The following ASTE1 variants were observed in gnomAD, a reference collection of about 807,000 sequenced individuals.
ASTE1 encodes single-strand DNA endonuclease ASTE1.
A neutral mutation model predicts 45.8 loss-of-function variants in ASTE1; 49 were observed. The observed-to-expected ratio is 1.07, with a 90% CI of 0.85 to 1.36. ASTE1 has a LOEUF of 1.36. Ranked by LOEUF, ASTE1 falls within the 40% of genes most tolerant of loss-of-function variation. The pLI is 0.00. For missense variants in ASTE1, 709 were observed against 804.0 expected, an observed-to-expected ratio of 0.88 and a Z score of 1.43; for synonymous variants, 296 against 303.9, an observed-to-expected ratio of 0.97 and a Z score of 0.27.
At chr3:131,019,712 T>G (rs578079419) in intron 3 of ASTE1, among the ~76,000 whole-genome samples, 8 of 152,212 alleles carry the variant, frequency 5.3e-5, no homozygotes, top group Non-Finnish European at 1.0e-4. Flanking sequence ...TAATAACATT[T>G]CTCAGCATGT....
intron 3 of ASTE1, among the ~76,000 whole-genome samples, chr3:131,019,872 ATT>A (rs1361533151): frequency 6.6e-6 from 1 of 152,230 alleles, no homozygotes; most frequent in Non-Finnish European, 1.5e-5. Context: ...TTTTAATAAT[ATT>A]GTGATACAAA....
Position 131,014,068 on chromosome 3 carries a change from T to C in ASTE1, c.2029A>G (p.Asn677Asp). Residue 677 changes from asparagine (N) to aspartate (D), a missense_variant, in exon 6 of 6, where the codon AAC becomes GAC. Physicochemically the swap from Asn to Asp is conservative, Grantham distance 23. Transcript: ENST00000264992. ...ATGCAAACTGAGTTTTATTCAATGT[T>C]GGAGGCCTCACTATGTTCCTCTAAG... ...ENLEEHSEAS[N>D]IE The C allele has an allele frequency of 3.2e-6, 5 of 1,582,946 alleles. No individual in the cohort carries two copies. The highest frequency in any genetic ancestry group is 1.7e-4 in the Middle Eastern group (1 of 5,870).
Position 131,016,082 on chromosome 3 carries a change from T to G in ASTE1, c.1709+62A>C, listed in dbSNP as rs556275855. ...GTAACTTTGTTGCTTTAAATATAAGTGAAAATACTGTATTTACTTTTGTGT... is the reference window on the plus strand; with the variant it reads ...GTAACTTTGTTGCTTTAAATATAAGGGAAAATACTGTATTTACTTTTGTGT... On this transcript the variant is annotated intron_variant, in intron 5 of 5. Transcript: ENST00000264992. The G allele has an allele frequency of 1.4e-5, 22 of 1,565,664 alleles. No homozygotes were observed. The African/African-American group carries it at 1.9e-4, about 13-fold the overall frequency.
chr3:131,024,829 C>A lies in ASTE1; in HGVS notation c.478G>T (p.Asp160Tyr), dbSNP rs751855589. ...NHWNCPVLSS[D>Y]SDFCIFDLKT... The stretch of plus-strand genomic sequence containing the variant: ...AGGTCAAAAATGCAAAAGTCACTAT[C>A]TGATGATAACACAGGGCAATTCCAA... The change falls in exon 3 of 6, where the codon GAT (aspartate) becomes TAT (tyrosine). Residue 160 changes from aspartate (D) to tyrosine (Y), a missense_variant. By Grantham distance (160) the Asp-to-Tyr change is radical. Coordinates refer to ENST00000264992, the MANE Select transcript of ASTE1 (RefSeq NM_014065.4). 6.2e-7 allele frequency: 1 copy of A among 1,614,194 alleles called. No homozygotes were observed. Among genetic ancestry groups the A allele is most frequent in the Non-Finnish European group, 8.5e-7 (1 of 1,180,046 alleles).
In ASTE1 at chr3:131,016,043, G is replaced by T. The variant is rs200417338; in HGVS notation, c.1709+101C>A. The stretch of plus-strand genomic sequence containing the variant: ...TTAAGATTAGTTTTTTTTTGTTTTG[G>T]TTTTTTTTTTTAAGTAACTTTGTTG... On this transcript the variant is annotated intron_variant, in intron 5 of 5. Transcript: ENST00000264992. 74 of 1,271,082 alleles carry T rather than the reference G, an allele frequency of 5.8e-5. 1 individual carries two copies. The highest frequency in any genetic ancestry group is 1.9e-4 in the Middle Eastern group (1 of 5,164). 78.7% of individuals were successfully genotyped at this position (1,271,082 alleles called of 1,614,324 possible). A position where few individuals can be genotyped will look rare whatever the true frequency, so the allele number is the denominator to read the frequency against.
At chr3:131,026,227 C>T (rs1354421908) in intron 1 of ASTE1, 1 of 152,210 alleles carries the variant, frequency 6.6e-6, no homozygotes, top group Non-Finnish European at 1.5e-5. Context: ...TTACATTTTA[C>T]ACTTATCTCA....
chr3:131,016,971 T>G, intron 4 of ASTE1: 1 of 1,287,378 alleles, frequency 7.8e-7, no homozygotes, highest in Non-Finnish European at 1.0e-6. Context: ...AATTTGAAAA[T>G]AATAAAAAGG....
In ASTE1 at chr3:131,014,087, C is replaced by T. The variant is rs2063456779; in HGVS notation, c.2010G>A (p.Glu670=). 1 of 1,601,136 alleles carries T rather than the reference C, an allele frequency of 6.2e-7. No homozygotes were observed. Among genetic ancestry groups the T allele is most frequent in the Non-Finnish European group, 8.5e-7 (1 of 1,176,500 alleles). The change falls in exon 6 of 6, where the codon GAG becomes GAA. Residue 670 remains glutamate, a synonymous_variant. Transcript: ENST00000264992. The part of the protein sequence containing the change: ...RFGLLMVENL[E]EHSEASNIE ...CAATGTTGGAGGCCTCACTATGTTC[C>T]TCTAAGTTTTCAACCATTAACAACC...
At chr3:131,019,201 T>C (rs1209672702) in intron 3 of ASTE1, among the ~76,000 whole-genome samples, 2 of 152,228 alleles carry the variant, frequency 1.3e-5, no homozygotes, top group Non-Finnish European at 2.9e-5. Context: ...CCATTACTAA[T>C]TGCCTCCAGA....
chr3:131,023,190 G>A (rs2063765639), intron 3 of ASTE1, among the ~76,000 whole-genome samples: 1 of 152,158 alleles, frequency 6.6e-6, no homozygotes, highest in South Asian at 2.1e-4. Context: ...TCCTTAAGTA[G>A]ACTGGTGCCA....
intron 3 of ASTE1, among the ~76,000 whole-genome samples, chr3:131,020,133 G>A (rs1038707345): frequency 6.6e-6 from 1 of 152,066 alleles, no homozygotes; most frequent in African/African-American, 2.4e-5. Flanking sequence ...GAGATGTTCC[G>A]CTCTGCACTA....
At chr3:131,021,695 C>T (rs1236047118) in intron 3 of ASTE1, among the ~76,000 whole-genome samples, 2 of 152,046 alleles carry the variant, frequency 1.3e-5, no homozygotes, top group African/African-American at 2.4e-5. Context: ...GCATGAATTG[C>T]AAAGGAACAA....
Position 131,024,582 on chromosome 3 carries a change from G to A in ASTE1, c.725C>T (p.Pro242Leu), listed in dbSNP as rs762990384. 1.2e-6 allele frequency: 2 copies of A among 1,613,358 alleles called. No homozygotes were observed. Among genetic ancestry groups the A allele is most frequent in the East Asian group, 2.2e-5 (1 of 44,864 alleles). ...CCCTTTAGAACTGGTAGCTCCAAGA[G>A]GAAGACGCGCTTTACTTAAGAATGT... ...METFLSKARL[P>L]LGATSSKGRR... The change falls in exon 3 of 6, where the codon CCT becomes CTT. Residue 242 changes from proline (P) to leucine (L), a missense_variant. Pro to Leu is a moderately conservative substitution (Grantham distance 98). Coordinates refer to ENST00000264992, the MANE Select transcript of ASTE1 (RefSeq NM_014065.4).
intron 5 of ASTE1, chr3:131,015,381 G>T: frequency 1.7e-6 from 1 of 584,978 alleles, no homozygotes; most frequent in South Asian, 2.2e-5. Flanking sequence ...CTCCTGGATG[G>T]TCAATTACCA....
chr3:131,023,428 G>A (rs2063768385), intron 3 of ASTE1, among the ~76,000 whole-genome samples: 1 of 152,046 alleles, frequency 6.6e-6, no homozygotes, highest in Non-Finnish European at 1.5e-5. Flanking sequence ...GGTGGTCTGG[G>A]TGTTACTCAG....
intron 4 of ASTE1, chr3:131,016,965 T>A (rs2063653330): frequency 7.8e-7 from 1 of 1,285,448 alleles, no homozygotes; most frequent in African/African-American, 1.5e-5. Context: ...TGGACCAATT[T>A]GAAAATAATA....
At chr3:131,023,356 A>AATAT (rs2109097236) in intron 3 of ASTE1, among the ~76,000 whole-genome samples, 1 of 152,228 alleles carries the variant, frequency 6.6e-6, no homozygotes, top group African/African-American at 2.4e-5. Flanking sequence ...TGTAATTTTA[A>AATAT]ATATATATGT....
In ASTE1 at chr3:131,016,301, A is replaced by T; in HGVS notation, c.1552T>A (p.Tyr518Asn). The T allele has an allele frequency of 3.1e-6, 5 of 1,614,166 alleles. No homozygotes were observed. Among genetic ancestry groups the T allele is most frequent in the Non-Finnish European group, 4.2e-6 (5 of 1,180,016 alleles). The change falls in exon 5 of 6, where the codon TAT becomes AAT. Residue 518 changes from tyrosine to asparagine, a missense_variant. Coordinates refer to ENST00000264992, the MANE Select transcript of ASTE1 (RefSeq NM_014065.4). ...ELQEDGAKML[Y>N]AEFQRVKAQT... Reference sequence around the variant, plus strand: ...GCCTTCACTCTTTGGAACTCTGCATACAACATCTTAGCACCATCTTCCTGC... The same window carrying T: ...GCCTTCACTCTTTGGAACTCTGCATTCAACATCTTAGCACCATCTTCCTGC...
rs562421752 is a variant in ASTE1 at position 131,025,144 on chromosome 3, A to G, written c.163T>C (p.Ser55Pro). Residue 55 changes from serine to proline, a missense_variant, in exon 3 of 6, where the codon TCT (serine) becomes CCT (proline). Coordinates refer to ENST00000264992, the MANE Select transcript of ASTE1 (RefSeq NM_014065.4). Reference sequence around the variant, plus strand: ...AATTTTTGTACAACATCTGCAAAAGAATCATAGTCCCCTCCATACCGGAGA... The same window carrying G: ...AATTTTTGTACAACATCTGCAAAAGGATCATAGTCCCCTCCATACCGGAGA... ...LDLRYGGDYD[S>P]FADVVQKFFE... 1 of 1,614,236 alleles carries G rather than the reference A, an allele frequency of 6.2e-7. No homozygotes were observed. The highest frequency in any genetic ancestry group is 1.7e-5 in the Admixed American group (1 of 60,032).
Sources: gnomAD v4.1 joint callset for allele counts (sites outside exome capture counted in the v4.1 genomes callset) on GRCh38, gnomAD v4.1.1 for gene constraint, MANE v1.5 for transcripts, NCBI Gene and HGNC (gene_info 2026-07-23, HGNC 2026-07-21) for gene names.